FCHO2: variants seen among roughly 807,000 people sequenced by gnomAD.
FCHO2 encodes FCH and mu domain containing endocytic adaptor 2.
In FCHO2, 43 loss-of-function variants were observed where a neutral mutation model predicts 114.1. The ratio of observed to expected loss-of-function variants is 0.38; its 90% CI spans 0.30 to 0.49. The LOEUF is 0.49. Ranked by LOEUF, FCHO2 falls within the 20% of genes least tolerant of loss-of-function variation. The pLI is 0.97. For missense variants in FCHO2, 807 were observed against 950.4 expected, an observed-to-expected ratio of 0.85 and a Z score of 1.98; for synonymous variants, 293 against 315.2, an observed-to-expected ratio of 0.93 and a Z score of 0.75.
intron 8 of FCHO2, among the ~76,000 whole-genome samples, chr5:73,020,170 A>G (rs1424529834): frequency 6.6e-6 from 1 of 152,260 alleles, no homozygotes; most frequent in Non-Finnish European, 1.5e-5. Flanking sequence ...TACATAGGGC[A>G]TAGCAGTGCC....
chr5:73,082,501 A>T (rs1743153084), intron 23 of FCHO2, among the ~76,000 whole-genome samples: 1 of 152,146 alleles, frequency 6.6e-6, no homozygotes, highest in Admixed American at 6.6e-5. Flanking sequence ...ACTGATCCCT[A>T]TACACATTCC....
At chr5:72,962,237 G>A (rs1158751674) in intron 1 of FCHO2, among the ~76,000 whole-genome samples, 1 of 152,076 alleles carries the variant, frequency 6.6e-6, no homozygotes, top group Non-Finnish European at 1.5e-5. Flanking sequence ...CAGTTCAGGG[G>A]GAGGATTTTA....
intron 21 of FCHO2, among the ~76,000 whole-genome samples, chr5:73,077,805 G>A (rs181749998): frequency 2.2e-4 from 34 of 152,202 alleles, no homozygotes; most frequent in Middle Eastern, 3.4e-3. Flanking sequence ...AGCCAAGATC[G>A]TGTCACTGCA....
At position 73,073,526 on chromosome 5, in the gene FCHO2, G is replaced by A. The variant is rs115760977; in HGVS notation, c.1580-1216G>A. 7.7e-3 allele frequency among the ~76,000 whole-genome samples: 1,165 copies of A among 152,038 alleles called. 13 individuals are homozygous for A. Among genetic ancestry groups the A allele is most frequent in the African/African-American group, 0.027 (1,116 of 41,496 alleles). On this transcript the variant is annotated intron_variant, in intron 19 of 25. Coordinates refer to ENST00000430046, the MANE Select transcript of FCHO2 (RefSeq NM_138782.3). ...CCTAGCAAAGTGCCTGGCACATGGT[G>A]GTTAATACATAGTAGCTGTTGTGAT...
chr5:72,961,624 C>A (rs1039382739), intron 1 of FCHO2, among the ~76,000 whole-genome samples: 1 of 150,576 alleles, frequency 6.6e-6, no homozygotes, highest in African/African-American at 2.4e-5. Flanking sequence ...GACGGAGTTT[C>A]GCTCTTGTTG....
rs182513922 is a variant in FCHO2 at position 72,966,227 on chromosome 5, T to A, written c.34-2271T>A. ...ACCCTGTTTCTACATAAACTTTTTT[T>A]AAAAAACTGAATGCTATCCAGGTTT... On this transcript the variant is annotated intron_variant, in intron 1 of 25. Transcript: ENST00000430046. Among the ~76,000 whole-genome samples the A allele has an allele frequency of 1.6e-4, 24 of 152,338 alleles. No homozygotes were observed. The East Asian group carries it at 2.5e-3, about 16-fold the overall frequency.
intron 2 of FCHO2, among the ~76,000 whole-genome samples, chr5:72,977,573 G>A (rs1001359275): frequency 5.3e-5 from 8 of 152,156 alleles, no homozygotes; most frequent in Non-Finnish European, 1.2e-4. Flanking sequence ...TAGGTTGCCT[G>A]TTCACTCTGA....
rs1361691217 is a variant in FCHO2 at position 72,989,478 on chromosome 5, T to C, written c.177T>C (p.Ser59=). ...YSRSMTKLAK[S]ASNYSQLGTF... is the part of the protein sequence containing the mutation. Reference sequence around the variant, plus strand: ...GGTCAATGACAAAACTAGCAAAATCTGCAAGCAATTATTCACAACTTGGGT... The same window carrying C: ...GGTCAATGACAAAACTAGCAAAATCCGCAAGCAATTATTCACAACTTGGGT... The change falls in exon 3 of 26, where the codon TCT becomes TCC. Residue 59 remains serine (S), a synonymous_variant. Transcript: ENST00000430046. 6 of 1,605,316 alleles carry C rather than the reference T, an allele frequency of 3.7e-6. No homozygotes were observed. In the African/African-American group the frequency reaches 8.0e-5, roughly 21 times the overall value.
chr5:73,052,819 TA>T (rs1561480666), intron 13 of FCHO2: 1 of 198,066 alleles, frequency 5.0e-6, no homozygotes, highest in Non-Finnish European at 1.0e-5. Flanking sequence ...GTGTTTCTTC[TA>T]TGTTTTGTGA....
In FCHO2 at chr5:72,989,605, A is replaced by G. The variant is rs560638348; in HGVS notation, c.200+104A>G. On this transcript the variant is annotated intron_variant, in intron 3 of 25. Transcript: ENST00000430046. Reference sequence around the variant, plus strand: ...ACAGTTCAAAAGCATAGTAAAATATATGCTTATTTAAAAGTATCTGTAAAT... The same window carrying G: ...ACAGTTCAAAAGCATAGTAAAATATGTGCTTATTTAAAAGTATCTGTAAAT... 6.9e-6 allele frequency: 5 copies of G among 721,220 alleles called. No homozygotes were observed. The African/African-American group carries it at 8.9e-5, about 13-fold the overall frequency. The allele number at this position is 721,220 out of a possible 1,614,324, so 44.7% of individuals were successfully genotyped here.
At chr5:73,063,191 G>A (rs759907591) in intron 17 of FCHO2, among the ~76,000 whole-genome samples, 1 of 151,890 alleles carries the variant, frequency 6.6e-6, no homozygotes, top group Admixed American at 6.6e-5. Context: ...TTTCTGATTT[G>A]TAAAATTAGC....
At chr5:72,969,640 A>G (rs1429019978) in intron 2 of FCHO2, among the ~76,000 whole-genome samples, 2 of 152,164 alleles carry the variant, frequency 1.3e-5, no homozygotes, top group African/African-American at 4.8e-5. Flanking sequence ...TATGCCTTTG[A>G]GCCCTGTTTA....
intron 10 of FCHO2, among the ~76,000 whole-genome samples, chr5:73,040,676 A>G (rs572544413): frequency 6.6e-6 from 1 of 152,352 alleles, no homozygotes. Context: ...TCTCAACTAC[A>G]TATTACATTA....
intron 13 of FCHO2, 166 bp downstream of exon 13, chr5:73,052,673 G>T: frequency 1.7e-6 from 1 of 583,500 alleles, no homozygotes; most frequent in Non-Finnish European, 2.8e-6. Context: ...GCTTAATTTT[G>T]CTTTTGAAAG....
At chr5:73,015,116 GTTTGTA>G (rs1256302192) in intron 6 of FCHO2, among the ~76,000 whole-genome samples, 2 of 145,402 alleles carry the variant, frequency 1.4e-5, no homozygotes, top group East Asian at 4.0e-4. Context: ...TTCTAGAAAA[GTTTGTA>G]TTTACCTAAG....
At chr5:72,996,846 G>A (rs956698073) in intron 5 of FCHO2, 1 of 1,019,120 alleles carries the variant, frequency 9.8e-7, no homozygotes, top group Non-Finnish European at 1.5e-6. Context: ...GCAACGGGGG[G>A]CTGGCGGAGC....
chr5:72,988,162 G>A (rs1422121651), intron 2 of FCHO2, among the ~76,000 whole-genome samples: 4 of 152,214 alleles, frequency 2.6e-5, no homozygotes, highest in Admixed American at 2.6e-4. Context: ...CAAACAGGCC[G>A]GGCGCAGTGG....
At chr5:73,023,223 C>T (rs753697343) in intron 8 of FCHO2, among the ~76,000 whole-genome samples, 2 of 152,056 alleles carry the variant, frequency 1.3e-5, no homozygotes, top group Non-Finnish European at 2.9e-5. Context: ...TTTAGAACTA[C>T]AATAGGTTGT....
chr5:72,983,937 T>G (rs919159384), intron 2 of FCHO2, among the ~76,000 whole-genome samples: 10 of 152,150 alleles, frequency 6.6e-5, no homozygotes, highest in African/African-American at 2.4e-4. Flanking sequence ...TATACGTGTG[T>G]TCAACTCGAG....
Sources: gnomAD v4.1 joint callset for allele counts (sites outside exome capture counted in the v4.1 genomes callset) on GRCh38, gnomAD v4.1.1 for gene constraint, MANE v1.5 for transcripts, NCBI Gene and HGNC (gene_info 2026-07-23, HGNC 2026-07-21) for gene names.